Variants in VWC2L observed in about 807,000 individuals in gnomAD.
The protein encoded by VWC2L is von Willebrand factor C domain-containing protein 2-like.
A neutral mutation model predicts 21.6 loss-of-function variants in VWC2L; 10 were observed. That is an observed-to-expected ratio of 0.46 (90% CI 0.29 to 0.78). The LOEUF is 0.78. VWC2L is among the 30% of genes least tolerant of loss of function. VWC2L has a pLI of 0.10. For missense variants in VWC2L, 209 were observed against 277.1 expected, an observed-to-expected ratio of 0.75 and a Z score of 1.74; for synonymous variants, 96 against 94.3, an observed-to-expected ratio of 1.02 and a Z score of -0.10.
chr2:214,470,212 CT>C (rs35595784), intron 3 of VWC2L, among the ~76,000 whole-genome samples: 10,088 of 143,072 alleles, frequency 0.071, 1,008 homozygotes, highest in African/African-American at 0.23. Flanking sequence ...TTGATAAATG[CT>C]TTTTTTTTTT....
chr2:214,555,979 A>T (rs976623240), intron 3 of VWC2L, among the ~76,000 whole-genome samples: 2 of 152,220 alleles, frequency 1.3e-5, no homozygotes, highest in Non-Finnish European at 2.9e-5. Flanking sequence ...CTATACAAAA[A>T]TGTATTCTCT....
At chr2:214,418,743 T>G (rs2126170648) in intron 2 of VWC2L, among the ~76,000 whole-genome samples, 1 of 152,324 alleles carries the variant, frequency 6.6e-6, no homozygotes, top group South Asian at 2.1e-4. Context: ...TGATTTAGTT[T>G]CTGTTTATGT....
chr2:214,503,838 C>T (rs1688929985), intron 3 of VWC2L, among the ~76,000 whole-genome samples: 1 of 152,072 alleles, frequency 6.6e-6, no homozygotes, highest in African/African-American at 2.4e-5. Context: ...TCTTTTCTGT[C>T]CTAATTGATT....
chr2:214,423,013 T>A (rs763012680), intron 2 of VWC2L, among the ~76,000 whole-genome samples: 6 of 152,166 alleles, frequency 3.9e-5, no homozygotes, highest in Non-Finnish European at 8.8e-5. Context: ...TAAATAGTAT[T>A]GAAGATTTGA....
At chr2:214,529,928 A>G (rs926603598) in intron 3 of VWC2L, among the ~76,000 whole-genome samples, 1 of 152,178 alleles carries the variant, frequency 6.6e-6, no homozygotes, top group African/African-American at 2.4e-5. Context: ...AGAAGCCTCC[A>G]TCACTAAGTC....
At chr2:214,422,262 A>G (rs1193691404) in intron 2 of VWC2L, among the ~76,000 whole-genome samples, 1 of 151,980 alleles carries the variant, frequency 6.6e-6, no homozygotes, top group Non-Finnish European at 1.5e-5. Flanking sequence ...TATAACCTAT[A>G]TAATCTAGAT....
intron 3 of VWC2L, among the ~76,000 whole-genome samples, chr2:214,444,325 C>G (rs572695407): frequency 3.9e-5 from 6 of 151,900 alleles, no homozygotes; most frequent in Non-Finnish European, 8.8e-5. Flanking sequence ...ATGACTCTAT[C>G]TTTAAAATGG....
At chr2:214,533,059 C>T (rs1368870155) in intron 3 of VWC2L, among the ~76,000 whole-genome samples, 2 of 152,068 alleles carry the variant, frequency 1.3e-5, no homozygotes, top group African/African-American at 4.8e-5. Flanking sequence ...GGACAGTCTA[C>T]AACCTCTACA....
At chr2:214,412,765 G>A (rs562273448) in intron 1 of VWC2L, among the ~76,000 whole-genome samples, 11 of 151,846 alleles carry the variant, frequency 7.2e-5, no homozygotes, top group South Asian at 4.2e-4. Flanking sequence ...TCTTGTTATC[G>A]TCTGTATATG....
intron 3 of VWC2L, among the ~76,000 whole-genome samples, chr2:214,512,814 T>G (rs1314315909): frequency 6.6e-6 from 1 of 152,126 alleles, no homozygotes; most frequent in Non-Finnish European, 1.5e-5. Context: ...TATGACTTTA[T>G]GTATCCAGGT....
intron 3 of VWC2L, among the ~76,000 whole-genome samples, chr2:214,474,064 A>C (rs73987344): frequency 0.065 from 9,954 of 152,158 alleles, 1,044 homozygotes; most frequent in African/African-American, 0.23. Context: ...AAAGAAAGGA[A>C]AGTCTACAGG....
chr2:214,416,020 G>A (rs1049208294), intron 2 of VWC2L, among the ~76,000 whole-genome samples: 1 of 152,000 alleles, frequency 6.6e-6, no homozygotes, highest in South Asian at 2.1e-4. Context: ...CTTAATGGAA[G>A]TAAGTAGAAG....
chr2:214,494,401 C>T (rs999339338), intron 3 of VWC2L, among the ~76,000 whole-genome samples: 4 of 152,124 alleles, frequency 2.6e-5, no homozygotes, highest in Admixed American at 2.6e-4. Context: ...CAGATCTGTT[C>T]GCCAGCCACT....
chr2:214,417,791 T>C (rs989358001), intron 2 of VWC2L, among the ~76,000 whole-genome samples: 4 of 152,058 alleles, frequency 2.6e-5, no homozygotes, highest in African/African-American at 9.7e-5. Context: ...GATGACCTAG[T>C]TAAACATAAA....
intron 2 of VWC2L, chr2:214,436,424 A>G: frequency 3.7e-6 from 2 of 541,076 alleles, no homozygotes; most frequent in Non-Finnish European, 3.2e-6. Context: ...TCTTGTTCAC[A>G]GCAACCTGAG....
At chr2:214,488,324 A>G (rs4673838) in intron 3 of VWC2L, among the ~76,000 whole-genome samples, 25,596 of 152,222 alleles carry the variant, frequency 0.17, 2,255 homozygotes, top group East Asian at 0.26. Flanking sequence ...AAGGCTGGGC[A>G]TGGTGGTTCA....
At chr2:214,536,511 T>C (rs1689531568) in intron 3 of VWC2L, among the ~76,000 whole-genome samples, 1 of 152,070 alleles carries the variant, frequency 6.6e-6, no homozygotes, top group African/African-American at 2.4e-5. Context: ...AGTTGAATCT[T>C]AAAATCTTAA....
chr2:214,424,358 G>A (rs928828181), intron 2 of VWC2L, among the ~76,000 whole-genome samples: 1 of 152,086 alleles, frequency 6.6e-6, no homozygotes, highest in African/African-American at 2.4e-5. Flanking sequence ...GAGACTACTT[G>A]AGCATACTGA....
chr2:214,482,512 T>G lies in VWC2L; in HGVS notation c.520+45754T>G, dbSNP rs58497707. On this transcript the variant is annotated intron_variant, in intron 3 of 3. Transcript: ENST00000312504. ...GTATGTATGTATATATATGTGTGTA[T>G]GTATATGTGTGTATCTATATATATA... Among the ~76,000 whole-genome samples, 1,243 of 149,866 alleles carry G rather than the reference T, an allele frequency of 8.3e-3. 21 individuals are homozygous for G. Among genetic ancestry groups the G allele is most frequent in the African/African-American group, 0.029 (1,169 of 39,810 alleles).
Sources: gnomAD v4.1 joint callset for allele counts (sites outside exome capture counted in the v4.1 genomes callset) on GRCh38, gnomAD v4.1.1 for gene constraint, MANE v1.5 for transcripts, NCBI Gene and HGNC (gene_info 2026-07-23, HGNC 2026-07-21) for gene names.